Variants in CA10 observed in about 807,000 individuals in gnomAD.
CA10 encodes the protein carbonic anhydrase-related protein 10.
A neutral mutation model predicts 44.2 loss-of-function variants in CA10; 14 were observed. The ratio of observed to expected loss-of-function variants is 0.32; its 90% CI spans 0.21 to 0.50. The LOEUF (loss-of-function observed/expected upper bound fraction) is 0.50. CA10 is among the 20% of genes least tolerant of loss of function. The probability of loss-of-function intolerance (pLI) is 0.99; values close to 1 mark genes in which losing one functional copy is unlikely to be tolerated. For missense variants in CA10, 350 were observed against 409.7 expected (o/e 0.85, Z 1.26); for synonymous variants, 159 against 141.6 (o/e 1.12, Z -0.87).
chr17:51,714,094 T>C (rs1916023420), intron 4 of CA10, among the ~76,000 whole-genome samples: 1 of 152,194 alleles, frequency 6.6e-6, no homozygotes, highest in Non-Finnish European at 1.5e-5. Context: ...TCTGTCTGTA[T>C]ATGTGTGCAT....
intron 3 of CA10, among the ~76,000 whole-genome samples, chr17:51,929,038 A>C (rs1982544168): frequency 6.6e-6 from 1 of 152,156 alleles, no homozygotes; most frequent in African/African-American, 2.4e-5. Flanking sequence ...TCCAAACTCC[A>C]ATGCATTTGA....
At chr17:51,969,052 TAAGA>T (rs1427446187) in intron 2 of CA10, among the ~76,000 whole-genome samples, 2 of 152,006 alleles carry the variant, frequency 1.3e-5, no homozygotes, top group East Asian at 3.9e-4. Flanking sequence ...CGAGCTTTGA[TAAGA>T]AAGAAAACAA....
intron 3 of CA10, among the ~76,000 whole-genome samples, chr17:51,841,455 TC>T (rs1357550366): frequency 6.6e-6 from 1 of 152,250 alleles, no homozygotes; most frequent in Non-Finnish European, 1.5e-5. Flanking sequence ...TGGCAGTGTT[TC>T]TGGTGCACAT....
intron 2 of CA10, among the ~76,000 whole-genome samples, chr17:52,015,896 A>C (rs1051375120): frequency 6.6e-6 from 1 of 152,106 alleles, no homozygotes; most frequent in Non-Finnish European, 1.5e-5. Flanking sequence ...ATATTCTTTC[A>C]GGTCAACCAC....
chr17:51,757,066 C>A (rs59802180), intron 3 of CA10, among the ~76,000 whole-genome samples: 1 of 152,076 alleles, frequency 6.6e-6, no homozygotes, highest in Non-Finnish European at 1.5e-5. Context: ...TCTTTGCAAC[C>A]GAAGTTTCCT....
At chr17:52,037,830 C>A (rs752744880) in intron 2 of CA10, among the ~76,000 whole-genome samples, 10 of 152,226 alleles carry the variant, frequency 6.6e-5, no homozygotes, top group Middle Eastern at 3.4e-3. Flanking sequence ...TTAACTTTTC[C>A]TAAAATAAGG....
chr17:52,152,454 G>T (rs1227729635), intron 1 of CA10, among the ~76,000 whole-genome samples: 1 of 151,836 alleles, frequency 6.6e-6, no homozygotes, highest in Non-Finnish European at 1.5e-5. Flanking sequence ...CCTCCTTTTT[G>T]ATGATGAGGT....
At chr17:51,875,959 G>A (rs1054643551) in intron 3 of CA10, among the ~76,000 whole-genome samples, 1 of 152,062 alleles carries the variant, frequency 6.6e-6, no homozygotes, top group Non-Finnish European at 1.5e-5. Context: ...ATGCCTTTGA[G>A]ATTCATATAT....
intron 1 of CA10, among the ~76,000 whole-genome samples, chr17:52,114,606 T>C (rs1806054454): frequency 6.6e-6 from 1 of 152,214 alleles, no homozygotes; most frequent in Admixed American, 6.5e-5. Flanking sequence ...AGTAATTCTT[T>C]TAATTACTTA....
chr17:51,829,888 G>A (rs1908166681), intron 3 of CA10, among the ~76,000 whole-genome samples: 1 of 152,022 alleles, frequency 6.6e-6, no homozygotes, highest in African/African-American at 2.4e-5. Context: ...AGAAAGAAAG[G>A]GGTCAATATA....
chr17:51,860,022 G>A (rs1979232610), intron 3 of CA10, among the ~76,000 whole-genome samples: 1 of 152,160 alleles, frequency 6.6e-6, no homozygotes, highest in Non-Finnish European at 1.5e-5. Flanking sequence ...AGAAAAAGAA[G>A]TGTGCAAAGA....
At chr17:51,814,964 G>A (rs1907510230) in intron 3 of CA10, among the ~76,000 whole-genome samples, 1 of 152,180 alleles carries the variant, frequency 6.6e-6, no homozygotes, top group Admixed American at 6.5e-5. Flanking sequence ...AGGGGTGGGA[G>A]TTCAGGGAAA....
At chr17:51,696,951 T>C (rs886140838) in intron 4 of CA10, among the ~76,000 whole-genome samples, 12 of 152,210 alleles carry the variant, frequency 7.9e-5, no homozygotes, top group Admixed American at 3.3e-4. Context: ...ATCCCATAGA[T>C]TGATATGTAT....
At chr17:52,039,185 G>A (rs866062975) in intron 2 of CA10, among the ~76,000 whole-genome samples, 5 of 152,192 alleles carry the variant, frequency 3.3e-5, no homozygotes, top group Non-Finnish European at 5.9e-5. Flanking sequence ...TTCCAAGAAA[G>A]CAAATACGTA....
At chr17:51,736,797 A>G (rs1404860420) in intron 4 of CA10, among the ~76,000 whole-genome samples, 2 of 152,202 alleles carry the variant, frequency 1.3e-5, no homozygotes, top group African/African-American at 4.8e-5. Flanking sequence ...CTGCATGTAC[A>G]GTAGCTTCCA....
intron 2 of CA10, among the ~76,000 whole-genome samples, chr17:51,983,553 A>G (rs1984724794): frequency 6.6e-6 from 1 of 151,786 alleles, no homozygotes; most frequent in Non-Finnish European, 1.5e-5. Flanking sequence ...CCCAGTTTAC[A>G]AAAAAATAAA....
rs541688260 is a variant in CA10, at chr17:51,658,840, G to A, written c.466-5104C>T. On this transcript the variant is annotated intron_variant, in intron 4 of 8. Transcript: ENST00000451037. ...TTTACCTCATAGTTCAGCTGGGATT[G>A]TGCCCAATTCCTGCGACTATTTGAG... 2.0e-5 allele frequency among the ~76,000 whole-genome samples: 3 copies of A among 152,286 alleles called. No individual in the cohort carries two copies. The South Asian group carries it at 6.2e-4, about 32-fold the overall frequency.
At chr17:51,733,046 C>A (rs11079981) in intron 4 of CA10, among the ~76,000 whole-genome samples, 98,008 of 151,804 alleles carry the variant, frequency 0.65, 31,948 homozygotes, top group East Asian at 0.73. Context: ...TTTAGTTTAA[C>A]CCCATTTGAG....
At chr17:52,026,876 T>C (rs1232486813) in intron 2 of CA10, among the ~76,000 whole-genome samples, 1 of 152,102 alleles carries the variant, frequency 6.6e-6, no homozygotes, top group African/African-American at 2.4e-5. Context: ...TCAACATTTC[T>C]GGCACGAGGA....
Sources: allele counts gnomAD v4.1 joint callset (sites outside exome capture counted in the v4.1 genomes callset), GRCh38; gene constraint gnomAD v4.1.1; transcripts MANE v1.5; gene names NCBI Gene and HGNC (gene_info 2026-07-23, HGNC 2026-07-21).